The following KIF25 variants were observed in gnomAD, a reference collection of about 807,000 sequenced individuals.
KIF25 encodes kinesin-like protein KIF25.
In KIF25, 19 loss-of-function variants were observed where a neutral mutation model predicts 32.9. The observed-to-expected ratio is 0.58, with a 90% CI of 0.40 to 0.85. The LOEUF (loss-of-function observed/expected upper bound fraction) is 0.85. KIF25 is among the 40% of genes least tolerant of loss of function. KIF25 has a pLI of 0.00. For missense variants in KIF25, 485 were observed against 507.0 expected (o/e 0.96, Z 0.42); for synonymous variants, 225 against 213.7 (o/e 1.05, Z -0.46).
chr6:168,032,361 T>C (rs1798954011), intron 7 of KIF25, among the ~76,000 whole-genome samples: 1 of 152,270 alleles, frequency 6.6e-6, no homozygotes, highest in African/African-American at 2.4e-5. Context: ...TAAGAACCCG[T>C]TTATCTGTTG....
chr6:168,025,129 TTGA>T, intron 5 of KIF25, among the ~76,000 whole-genome samples: 1 of 152,180 alleles, frequency 6.6e-6, no homozygotes, highest in Non-Finnish European at 1.5e-5. Context: ...GGAAGAGGCC[TTGA>T]GCCTGGACTC....
chr6:168,019,118 G>C (rs1798754663), intron 5 of KIF25, among the ~76,000 whole-genome samples: 1 of 152,206 alleles, frequency 6.6e-6, no homozygotes, highest in African/African-American at 2.4e-5. Flanking sequence ...CAAGCCTCGA[G>C]GGGTCAAGTT....
At chr6:168,016,896 C>T (rs975178717) in intron 4 of KIF25, among the ~76,000 whole-genome samples, 6 of 152,340 alleles carry the variant, frequency 3.9e-5, no homozygotes, top group East Asian at 1.9e-4. Context: ...CCAGGCAGCG[C>T]GGGGCTGAGG....
At chr6:168,030,930 T>C in intron 7 of KIF25, 83 bp downstream of exon 7, 1 of 1,138,184 alleles carries the variant, frequency 8.8e-7, no homozygotes, top group Non-Finnish European at 1.3e-6. Context: ...AGTGAGAATG[T>C]AGCATTAGAG....
chr6:168,025,244 G>T (rs1798843795), intron 5 of KIF25, among the ~76,000 whole-genome samples: 1 of 152,162 alleles, frequency 6.6e-6, no homozygotes, highest in African/African-American at 2.4e-5. Context: ...TGTGGCTGGG[G>T]AATGTCTCCT....
chr6:168,024,636 C>T (rs1161559783), intron 5 of KIF25, among the ~76,000 whole-genome samples: 3 of 151,930 alleles, frequency 2.0e-5, no homozygotes, highest in Non-Finnish European at 4.4e-5. Flanking sequence ...AAATAGGTGA[C>T]ATAATTGGCC....
chr6:168,025,574 C>T (rs967028848), intron 5 of KIF25, among the ~76,000 whole-genome samples: 1 of 152,154 alleles, frequency 6.6e-6, no homozygotes, highest in African/African-American at 2.4e-5. Flanking sequence ...ACCCCACCTC[C>T]AATCCTTGCA....
Position 168,042,101 on chromosome 6 carries a change from AG to A in KIF25, c.781del (p.Val261CysfsTer21). The A allele has an allele frequency of 6.4e-7, 1 of 1,551,660 alleles. No individual in the cohort carries two copies. The highest frequency in any genetic ancestry group is 8.7e-7 in the Non-Finnish European group (1 of 1,147,686). ...GGGAACCCCGCAGGGCATGCGGAGC[AG>A]GTGCAGGCTCGACTACAGCTCGTGG... The part of the protein sequence containing the change: ...VPGNPAGHAE[Q>X]VQARLQLVDS... On this transcript the variant is annotated frameshift_variant, in exon 11 of 13. Coordinates refer to ENST00000643607, the MANE Select transcript of KIF25 (RefSeq NM_030615.4). LOFTEE classifies it high-confidence loss of function.
At chr6:168,035,444 A>AGGCGGGAACGGCGCTGCGGGGGG (rs1562390535) in intron 8 of KIF25, among the ~76,000 whole-genome samples, 13 of 17,504 alleles carry the variant, frequency 7.4e-4, no homozygotes, top group African/African-American at 2.3e-3. Context: ...GCGGCGGAGG[A>AGGCGGGAACGGCGCTGCGGGGGG]GGCGGGAACG....
chr6:168,019,487 G>T (rs763090108), intron 5 of KIF25, among the ~76,000 whole-genome samples: 5 of 152,094 alleles, frequency 3.3e-5, no homozygotes, highest in African/African-American at 7.2e-5. Context: ...GAGGAGACGC[G>T]AACGTACTGG....
intron 5 of KIF25, among the ~76,000 whole-genome samples, chr6:168,020,560 G>A (rs1798775185): frequency 6.6e-6 from 1 of 152,090 alleles, no homozygotes; most frequent in Admixed American, 6.5e-5. Flanking sequence ...GACATAAAAT[G>A]CACGTGAGCA....
At chr6:168,037,290 ACTC>A (rs1382175913) in intron 8 of KIF25, among the ~76,000 whole-genome samples, 1 of 151,682 alleles carries the variant, frequency 6.6e-6, no homozygotes, top group Non-Finnish European at 1.5e-5. Context: ...AGAAGACAAA[ACTC>A]CTCTAGATCT....
At chr6:168,032,258 T>TG (rs1030300126) in intron 7 of KIF25, among the ~76,000 whole-genome samples, 1 of 152,234 alleles carries the variant, frequency 6.6e-6, no homozygotes, top group Non-Finnish European at 1.5e-5. Flanking sequence ...TTCAGATGGC[T>TG]GGGGGGCCTT....
Position 168,042,175 on chromosome 6 carries a change from TG to T in KIF25, c.829+30del. On this transcript the variant is annotated intron_variant, in intron 11 of 12. Coordinates refer to ENST00000643607, the MANE Select transcript of KIF25 (RefSeq NM_030615.4). Reference sequence around the variant, plus strand: ...TGGTGAGCAGGGGCAGGCATTTCCCTGGGGGGTGGGTGCTGCAGAAGCCTAT... The same window carrying T: ...TGGTGAGCAGGGGCAGGCATTTCCCTGGGGGTGGGTGCTGCAGAAGCCTAT... 3.2e-6 allele frequency: 5 copies of T among 1,542,554 alleles called. No homozygotes were observed. In the South Asian group the frequency reaches 3.6e-5, roughly 11 times the overall value.
intron 5 of KIF25, among the ~76,000 whole-genome samples, chr6:168,022,765 GTT>G (rs1337099576): frequency 1.8e-4 from 23 of 129,142 alleles, no homozygotes; most frequent in African/African-American, 6.5e-4. Context: ...GTTTGTTGTT[GTT>G]GTTTTTTTTT....
At chr6:168,042,844 G>A (rs1799149303) in intron 12 of KIF25, 128 bp downstream of exon 12, 2 of 1,112,970 alleles carry the variant, frequency 1.8e-6, no homozygotes, top group Non-Finnish European at 2.5e-6. Flanking sequence ...TCCTCGCTGT[G>A]GCTAGCTGGC....
intron 2 of KIF25, among the ~76,000 whole-genome samples, chr6:167,999,697 C>T (rs1798470729): frequency 6.6e-6 from 1 of 152,162 alleles, no homozygotes; most frequent in Non-Finnish European, 1.5e-5. Flanking sequence ...CTTTATGAAC[C>T]CCAAAGACCA....
At chr6:168,021,058 C>G (rs1371511647) in intron 5 of KIF25, among the ~76,000 whole-genome samples, 1 of 152,176 alleles carries the variant, frequency 6.6e-6, no homozygotes, top group Non-Finnish European at 1.5e-5. Context: ...TTGGAGGACT[C>G]ACACTACCCG....
At chr6:168,014,209 G>C (rs1798685198) in intron 4 of KIF25, among the ~76,000 whole-genome samples, 1 of 152,084 alleles carries the variant, frequency 6.6e-6, no homozygotes, top group Non-Finnish European at 1.5e-5. Flanking sequence ...TTGCATCCTG[G>C]TTAACCTGAA....
Sources: gnomAD v4.1 joint callset for allele counts (sites outside exome capture counted in the v4.1 genomes callset) on GRCh38, gnomAD v4.1.1 for gene constraint, MANE v1.5 for transcripts, NCBI Gene and HGNC (gene_info 2026-07-23, HGNC 2026-07-21) for gene names.